TUBA8: variants seen among roughly 807,000 people sequenced by gnomAD.
TUBA8 encodes tubulin alpha-8 chain.
In TUBA8, 29 loss-of-function variants were observed where a neutral mutation model predicts 34.7. The observed-to-expected ratio is 0.84, with a 90% CI of 0.62 to 1.14. The LOEUF (loss-of-function observed/expected upper bound fraction) is 1.14. Among genes scored for constraint, TUBA8 ranks in the 50% most tolerant of loss-of-function variants. The probability of loss-of-function intolerance (pLI) is 0.00; values close to 1 mark genes in which losing one functional copy is unlikely to be tolerated. For missense variants in TUBA8, 541 were observed against 599.2 expected (o/e 0.90, Z 1.01); for synonymous variants, 226 against 231.2 (o/e 0.98, Z 0.21).
chr22:18,127,450 GTGGCACCATC>G (rs1435811411), intron 4 of TUBA8: 1 of 181,184 alleles, frequency 5.5e-6, no homozygotes, highest in Non-Finnish European at 1.1e-5. Context: ...CTGGAGTGCA[GTGGCACCATC>G]TGGGCTCACT....
At position 18,121,579 on chromosome 22, in the gene TUBA8, C is replaced by A; in HGVS notation, c.104C>A (p.Thr35Asn). ...GAACACGGCATCCAGGCAGACGGCA[C>A]TTTTGATGCTCAAGCTAGCAAGATC... Reference protein sequence around the residue: ...CLEHGIQADGTFDAQASKIND... With the variant: ...CLEHGIQADGNFDAQASKIND... Residue 35 changes from threonine to asparagine, a missense_variant, in exon 2 of 5, where the codon ACT (threonine) becomes AAT (asparagine). Coordinates refer to ENST00000330423, the MANE Select transcript of TUBA8 (RefSeq NM_018943.3). This position sits in a 1 kb window ranked among gnomAD's most constrained non-coding sequence, Gnocchi z 4.8. 1 of 1,614,190 alleles carries A rather than the reference C, an allele frequency of 6.2e-7. No homozygotes were observed. Among genetic ancestry groups the A allele is most frequent in the Non-Finnish European group, 8.5e-7 (1 of 1,180,022 alleles).
At position 18,124,415 on chromosome 22, in the gene TUBA8, G is replaced by A. The variant is rs527633762; in HGVS notation, c.375+111G>A. The A allele has an allele frequency of 6.6e-5, 87 of 1,310,162 alleles. 1 individual carries two copies. In the South Asian group the frequency reaches 1.3e-3, roughly 20 times the overall value. 81.2% of individuals were successfully genotyped at this position (1,310,162 alleles called of 1,614,324 possible). On this transcript the variant is annotated intron_variant, in intron 3 of 4. Coordinates refer to ENST00000330423, the MANE Select transcript of TUBA8 (RefSeq NM_018943.3). This position sits in a 1 kb window ranked among gnomAD's most constrained non-coding sequence, Gnocchi z 4.3. Reference sequence around the variant, plus strand: ...GCATCTGACCCCTGGCTATAGGATGGAGCTCCTAAGGTTTGGGAATTTCTG... The same window carrying A: ...GCATCTGACCCCTGGCTATAGGATGAAGCTCCTAAGGTTTGGGAATTTCTG...
Position 18,111,138 on chromosome 22 carries a change from G to A in TUBA8, c.3+270G>A. On this transcript the variant is annotated intron_variant, in intron 1 of 4. Transcript: ENST00000330423. This position sits in a 1 kb window ranked among gnomAD's most constrained non-coding sequence, Gnocchi z 5.1. Reference sequence around the variant, plus strand: ...TGCAGACGAGGGGGAGGGAGGCCCTGGGGAGCCCGACGGAGAAGGGGGCGA... The same window carrying A: ...TGCAGACGAGGGGGAGGGAGGCCCTAGGGAGCCCGACGGAGAAGGGGGCGA... 1.7e-6 allele frequency: 1 copy of A among 578,404 alleles called. No homozygotes were observed. Among genetic ancestry groups the A allele is most frequent in the Non-Finnish European group, 3.0e-6 (1 of 328,222 alleles). 35.8% of individuals were successfully genotyped at this position (578,404 alleles called of 1,614,324 possible).
chr22:18,124,087 C>A lies in TUBA8; in HGVS notation c.227-69C>A. 4 of 1,595,152 alleles carry A rather than the reference C, an allele frequency of 2.5e-6. No individual in the cohort carries two copies. Among genetic ancestry groups the A allele is most frequent in the Non-Finnish European group, 3.4e-6 (4 of 1,164,356 alleles). On this transcript the variant is annotated intron_variant, in intron 2 of 4. Coordinates refer to ENST00000330423, the MANE Select transcript of TUBA8 (RefSeq NM_018943.3). The surrounding 1 kb of genome is among the most constrained non-coding windows in gnomAD (Gnocchi z 4.3). Reference sequence around the variant, plus strand: ...GTAGGGGAGAACGGAAGGGGTCCTGCGGTAGTGTGGTAGGGAGGGAGGCTT... The same window carrying A: ...GTAGGGGAGAACGGAAGGGGTCCTGAGGTAGTGTGGTAGGGAGGGAGGCTT...
intron 3 of TUBA8, chr22:18,125,904 C>T (rs1468462592): frequency 1.0e-5 from 2 of 197,186 alleles, no homozygotes; most frequent in Admixed American, 1.1e-4. Flanking sequence ...CTCTGTCATC[C>T]AAGCCAGAGT....
At position 18,124,237 on chromosome 22, in the gene TUBA8, A is replaced by G. The variant is rs1928248196; in HGVS notation, c.308A>G (p.Tyr103Cys). Residue 103 changes from tyrosine (Y) to cysteine (C), a missense_variant, in exon 3 of 5, where the codon TAT (tyrosine) becomes TGT (cysteine). Tyr to Cys is a radical substitution (Grantham distance 194). Coordinates refer to ENST00000330423, the MANE Select transcript of TUBA8 (RefSeq NM_018943.3). This position sits in a 1 kb window ranked among gnomAD's most constrained non-coding sequence, Gnocchi z 4.3. The part of the protein sequence containing the change: ...ITGKEDAANN[Y>C]ARGHYTVGKE... ...GGAAAGGAGGATGCAGCCAACAACT[A>G]TGCCCGGGGCCACTACACGGTGGGC... 1.2e-6 allele frequency: 2 copies of G among 1,614,134 alleles called. No homozygotes were observed. Among genetic ancestry groups the G allele is most frequent in the Non-Finnish European group, 1.7e-6 (2 of 1,180,020 alleles).
In TUBA8 at chr22:18,126,969, G is replaced by A. The variant is rs372959730; in HGVS notation, c.991G>A (p.Ala331Thr). ...CGTGGTGCCCAAGGATGTGAATGTC[G>A]CTATTGCTGCCATCAAGACCAAGAG... The part of the protein sequence containing the change: ...GDVVPKDVNV[A>T]IAAIKTKRTI... The change falls in exon 4 of 5, where the codon GCT becomes ACT. Residue 331 changes from alanine to threonine, a missense_variant. Transcript: ENST00000330423. This position sits in a 1 kb window ranked among gnomAD's most constrained non-coding sequence, Gnocchi z 4.0. 18 of 1,613,522 alleles carry A rather than the reference G, an allele frequency of 1.1e-5. No individual in the cohort carries two copies. Among genetic ancestry groups the A allele is most frequent in the African/African-American group, 8.0e-5 (6 of 74,852 alleles).
chr22:18,131,360 A>C lies in TUBA8; in HGVS notation c.*224A>C, dbSNP rs1928509302. On this transcript the variant is annotated 3_prime_UTR_variant, in exon 5 of 5. Coordinates refer to ENST00000330423, the MANE Select transcript of TUBA8 (RefSeq NM_018943.3). The surrounding 1 kb of genome is among the most constrained non-coding windows in gnomAD (Gnocchi z 5.3). ...CAGCTTTGTGTCACTAAAGAAAGTG[A>C]GGGCCACTGTCTCCGGCGGGTGAGG... The C allele has an allele frequency of 2.1e-4, 121 of 566,524 alleles. 5 individuals carry two copies. The South Asian group carries it at 2.4e-3, about 11-fold the overall frequency. The allele number at this position is 566,524 out of a possible 1,614,324, so 35.1% of individuals were successfully genotyped here.
At position 18,130,915 on chromosome 22, in the gene TUBA8, A is replaced by G. The variant is rs199953089; in HGVS notation, c.1129A>G (p.Met377Val). The change falls in exon 5 of 5, where the codon ATG (methionine) becomes GTG (valine). Residue 377 changes from methionine to valine, a missense_variant. Coordinates refer to ENST00000330423, the MANE Select transcript of TUBA8 (RefSeq NM_018943.3). ...DLAKVQRAVC[M>V]LSNTTAIAEA... ...GGCCAAGGTGCAGCGGGCCGTCTGC[A>G]TGCTCAGCAACACCACGGCCATTGC... 1.2e-6 allele frequency: 2 copies of G among 1,614,118 alleles called. No homozygotes were observed. Among genetic ancestry groups the G allele is most frequent in the Admixed American group, 1.7e-5 (1 of 60,024 alleles).
At position 18,111,262 on chromosome 22, in the gene TUBA8, G is replaced by T; in HGVS notation, c.3+394G>T. 1 of 298,924 alleles carries T rather than the reference G, an allele frequency of 3.3e-6. No homozygotes were observed. Among genetic ancestry groups the T allele is most frequent in the Non-Finnish European group, 6.3e-6 (1 of 159,894 alleles). 18.5% of individuals were successfully genotyped at this position (298,924 alleles called of 1,614,324 possible). On this transcript the variant is annotated intron_variant, in intron 1 of 4. Coordinates refer to ENST00000330423, the MANE Select transcript of TUBA8 (RefSeq NM_018943.3). This position sits in a 1 kb window ranked among gnomAD's most constrained non-coding sequence, Gnocchi z 5.1. ...TGGTCTGGGCCGGGGCGACTGGGGG[G>T]CCAGATGCAGTCACGTCTCCGAACC...
At position 18,110,925 on chromosome 22, in the gene TUBA8, G is replaced by A; in HGVS notation, c.3+57G>A. On this transcript the variant is annotated intron_variant, in intron 1 of 4. Coordinates refer to ENST00000330423, the MANE Select transcript of TUBA8 (RefSeq NM_018943.3). This position sits in a 1 kb window ranked among gnomAD's most constrained non-coding sequence, Gnocchi z 6.2. Reference sequence around the variant, plus strand: ...GCGCGCGGCAGGCGTAGGACCGAGAGCCGAGTCTACGCGGAGGCGCACGGA... The same window carrying A: ...GCGCGCGGCAGGCGTAGGACCGAGAACCGAGTCTACGCGGAGGCGCACGGA... 2.0e-6 allele frequency: 3 copies of A among 1,537,380 alleles called. No individual in the cohort carries two copies. The highest frequency in any genetic ancestry group is 2.6e-6 in the Non-Finnish European group (3 of 1,148,314).
Position 18,121,646 on chromosome 22 carries a change from C to T in TUBA8, c.171C>T (p.Gly57=). ...DSFTTFFSET[G]NGKHVPRAVM... ...TCACCACCTTTTTCAGCGAGACTGG[C>T]AATGGGAAGCATGTGCCCCGGGCCG... is the stretch of plus-strand genomic sequence containing the variant. Residue 57 remains glycine, a synonymous_variant, in exon 2 of 5, where the codon GGC becomes GGT. Transcript: ENST00000330423. This position sits in a 1 kb window ranked among gnomAD's most constrained non-coding sequence, Gnocchi z 4.8. 2 of 1,614,180 alleles carry T rather than the reference C, an allele frequency of 1.2e-6. No homozygotes were observed. Among genetic ancestry groups the T allele is most frequent in the Non-Finnish European group, 1.7e-6 (2 of 1,180,028 alleles).
chr22:18,130,704 G>A, intron 4 of TUBA8, 139 bp from the exon 5 acceptor site: 1 of 1,105,542 alleles, frequency 9.0e-7, no homozygotes, highest in Non-Finnish European at 1.3e-6. Context: ...CATCCCGCCT[G>A]TTGCATCCCA....
intron 1 of TUBA8, chr22:18,117,866 T>C (rs932300232): frequency 6.6e-5 from 10 of 151,204 alleles, no homozygotes; most frequent in East Asian, 1.9e-4. Flanking sequence ...ACCTTCTGGA[T>C]TGATTTTGTT....
rs938629249 is a variant in TUBA8 at position 18,111,620 on chromosome 22, C to T, written c.3+752C>T. The stretch of plus-strand genomic sequence containing the variant: ...GGGCGGCTGCAAACACTCAGTTCCT[C>T]TTTCTAGGGTCCCCCTCTCCGCCCC... On this transcript the variant is annotated intron_variant, in intron 1 of 4. Coordinates refer to ENST00000330423, the MANE Select transcript of TUBA8 (RefSeq NM_018943.3). This position sits in a 1 kb window ranked among gnomAD's most constrained non-coding sequence, Gnocchi z 5.1. 8 of 152,230 alleles carry T rather than the reference C, an allele frequency of 5.3e-5. No individual in the cohort carries two copies. The highest frequency in any genetic ancestry group is 2.0e-4 in the Admixed American group (3 of 15,284). 9.4% of individuals were successfully genotyped at this position (152,230 alleles called of 1,614,324 possible).
rs1223901739 is a variant in TUBA8, at chr22:18,131,211, C to G, written c.*75C>G. 1.3e-6 allele frequency: 2 copies of G among 1,501,442 alleles called. No homozygotes were observed. The highest frequency in any genetic ancestry group is 1.8e-6 in the Non-Finnish European group (2 of 1,085,452). 93.0% of individuals were successfully genotyped at this position (1,501,442 alleles called of 1,614,324 possible). A position where few individuals can be genotyped will look rare whatever the true frequency, so the allele number is the denominator to read the frequency against. On this transcript the variant is annotated 3_prime_UTR_variant, in exon 5 of 5. Transcript: ENST00000330423. The surrounding 1 kb of genome is among the most constrained non-coding windows in gnomAD (Gnocchi z 5.3). ...AAAGCACATGTTCAAGAGAACAGAACACTCTCCCCGCCCCAGCCTGATTCC... is the reference window on the plus strand; with the variant it reads ...AAAGCACATGTTCAAGAGAACAGAAGACTCTCCCCGCCCCAGCCTGATTCC...
chr22:18,122,156 G>A, intron 2 of TUBA8: 1 of 168,268 alleles, frequency 5.9e-6, no homozygotes, highest in Non-Finnish European at 1.3e-5. Flanking sequence ...CTGGAGTTCT[G>A]GAATGAGGTT....
chr22:18,131,216 TC>T lies in TUBA8; in HGVS notation c.*84del, dbSNP rs931549013. ...ACATGTTCAAGAGAACAGAACACTC[TC>T]CCCGCCCCAGCCTGATTCCTGCCTT... On this transcript the variant is annotated 3_prime_UTR_variant, in exon 5 of 5. Transcript: ENST00000330423. This position sits in a 1 kb window ranked among gnomAD's most constrained non-coding sequence, Gnocchi z 5.3. The T allele has an allele frequency of 2.0e-5, 30 of 1,481,196 alleles. No individual in the cohort carries two copies. The highest frequency in any genetic ancestry group is 2.5e-5 in the Non-Finnish European group (27 of 1,069,786). 91.8% of individuals were successfully genotyped at this position (1,481,196 alleles called of 1,614,324 possible).
At chr22:18,130,791 C>T (rs371294669) in intron 4 of TUBA8, 52 bp from the exon 5 acceptor site, 64 of 1,609,970 alleles carry the variant, frequency 4.0e-5, no homozygotes, top group Non-Finnish European at 5.1e-5. Context: ...GAGTTATCCT[C>T]TGGCTGACTT....
Sources: gnomAD v4.1 joint callset for allele counts on GRCh38, gnomAD v4.1.1 for gene constraint, Gnocchi (gnomAD v3.1) non-coding constraint, MANE v1.5 for transcripts, NCBI Gene and HGNC (gene_info 2026-07-23, HGNC 2026-07-21) for gene names.